The following SLC36A4 variants were observed in gnomAD, a reference collection of about 807,000 sequenced individuals.
SLC36A4 encodes neutral amino acid uniporter 4.
SLC36A4 carries 49 observed loss-of-function variants against 50.5 expected under a neutral mutation model. That is an observed-to-expected ratio of 0.97 (90% confidence interval 0.77 to 1.23). SLC36A4 has a LOEUF of 1.23. Among genes scored for constraint, SLC36A4 ranks in the 50% most tolerant of loss-of-function variants. The pLI is 0.00. For missense variants in SLC36A4, 611 were observed against 608.4 expected (o/e 1.00, Z -0.05); for synonymous variants, 207 against 206.5 (o/e 1.00, Z -0.02).
rs190435919 is a variant in SLC36A4, at chr11:93,144,377, T to A, written c.*4160A>T. On this transcript the variant is annotated 3_prime_UTR_variant, in exon 11 of 11. Transcript: ENST00000326402. ...CAGGGTGTAAACATATATTTTCCTATTTGTTATCAAGAAAACGCTAATGAA... is the reference window on the plus strand; with the variant it reads ...CAGGGTGTAAACATATATTTTCCTAATTGTTATCAAGAAAACGCTAATGAA... 2.4e-3 allele frequency: 358 copies of A among 152,204 alleles called. No individual in the cohort carries two copies. Among genetic ancestry groups the A allele is most frequent in the African/African-American group, 8.3e-3 (343 of 41,570 alleles). 9.4% of individuals were successfully genotyped at this position (152,204 alleles called of 1,614,324 possible).
At position 93,182,715 on chromosome 11, in the gene SLC36A4, G is replaced by A. The variant is rs986803240; in HGVS notation, c.359+91C>T. 6.2e-5 allele frequency: 53 copies of A among 853,770 alleles called. No homozygotes were observed. In the Admixed American group the frequency reaches 1.1e-3, roughly 18 times the overall value. 52.9% of individuals were successfully genotyped at this position (853,770 alleles called of 1,614,324 possible). ...GATTTATCTACGTAAAAGCTTAAACGAAATACAAAGCACAGTAGAATATAA... is the reference window on the plus strand; with the variant it reads ...GATTTATCTACGTAAAAGCTTAAACAAAATACAAAGCACAGTAGAATATAA... On this transcript the variant is annotated intron_variant, in intron 4 of 10. Transcript: ENST00000326402.
intron 9 of SLC36A4, chr11:93,160,444 T>C: frequency 1.0e-6 from 1 of 985,210 alleles, no homozygotes; most frequent in Non-Finnish European, 1.2e-6. Context: ...AAATCAAGAG[T>C]CTCAACTAGT....
At chr11:93,194,287 A>C (rs1488743578) in intron 1 of SLC36A4, among the ~76,000 whole-genome samples, 1 of 152,122 alleles carries the variant, frequency 6.6e-6, no homozygotes, top group Non-Finnish European at 1.5e-5. Flanking sequence ...ATAAAATTTA[A>C]AAATCACTTG....
intron 10 of SLC36A4, among the ~76,000 whole-genome samples, chr11:93,150,913 T>A (rs1860058611): frequency 6.6e-6 from 1 of 152,052 alleles, no homozygotes; most frequent in Non-Finnish European, 1.5e-5. Flanking sequence ...TTTCTTTGTT[T>A]ATCTATAATC....
At chr11:93,184,069 T>C (rs991700975) in intron 3 of SLC36A4, among the ~76,000 whole-genome samples, 6 of 152,186 alleles carry the variant, frequency 3.9e-5, no homozygotes, top group Admixed American at 1.3e-4. Context: ...CAATGTCACG[T>C]TACCAATAAT....
At chr11:93,167,824 A>C in intron 7 of SLC36A4, 120 bp downstream of exon 7, 1 of 637,770 alleles carries the variant, frequency 1.6e-6, no homozygotes, top group South Asian at 2.1e-5. Flanking sequence ...TACTGATTGC[A>C]CACTGTGTGC....
intron 8 of SLC36A4, 105 bp from the exon 9 acceptor site, chr11:93,162,980 T>C: frequency 2.1e-6 from 2 of 974,632 alleles, no homozygotes; most frequent in South Asian, 3.2e-5. Context: ...TATGCAAATT[T>C]TTTTCCTTTA....
chr11:93,145,179 AT>A lies in SLC36A4; in HGVS notation c.*3357del, dbSNP rs1859823332. The A allele has an allele frequency of 6.6e-6, 1 of 152,062 alleles. No homozygotes were observed. Among genetic ancestry groups the A allele is most frequent in the Non-Finnish European group, 1.5e-5 (1 of 67,964 alleles). The allele number at this position is 152,062 out of a possible 1,614,324, so 9.4% of individuals were successfully genotyped here. On this transcript the variant is annotated 3_prime_UTR_variant, in exon 11 of 11. Transcript: ENST00000326402. ...AATATTTCAAGTAATATTTTATAGT[AT>A]TTTGCAGTTAAAGAGATTTTACATA...
intron 9 of SLC36A4, among the ~76,000 whole-genome samples, chr11:93,161,950 T>C (rs999140116): frequency 2.0e-5 from 3 of 152,176 alleles, no homozygotes; most frequent in African/African-American, 7.2e-5. Flanking sequence ...AACATTAAGA[T>C]GATGCACCAT....
intron 6 of SLC36A4, among the ~76,000 whole-genome samples, chr11:93,169,458 T>C (rs1199076575): frequency 1.3e-5 from 2 of 152,110 alleles, no homozygotes; most frequent in South Asian, 2.1e-4. Flanking sequence ...TCTCTAAATG[T>C]AGTAATTAAG....
rs1860967119 is a variant in SLC36A4, at chr11:93,168,121, A to G, written c.591T>C (p.Asn197=). 6.2e-7 allele frequency: 1 copy of G among 1,612,366 alleles called. No homozygotes were observed. Among genetic ancestry groups the G allele is most frequent in the Non-Finnish European group, 8.5e-7 (1 of 1,178,964 alleles). Reference sequence around the variant, plus strand: ...TTCTTCTCTCACAAGGGTTTGATGAATTGGTACTATTTGAAATAAACACTT... The same window carrying G: ...TTCTTCTCTCACAAGGGTTTGATGAGTTGGTACTATTTGAAATAAACACTT... The part of the protein sequence containing the change: ...ESKVFISNST[N]SSNPCERRSV... The change falls in exon 7 of 11, where the codon AAT becomes AAC. Residue 197 remains asparagine (N), a synonymous_variant. Transcript: ENST00000326402.
intron 7 of SLC36A4, 113 bp downstream of exon 7, chr11:93,167,831 G>T: frequency 1.5e-6 from 1 of 660,040 alleles, no homozygotes; most frequent in Non-Finnish European, 2.7e-6. Flanking sequence ...TGCACACTGT[G>T]TGCCACATAT....
intron 10 of SLC36A4, 136 bp from the exon 11 acceptor site, chr11:93,148,980 G>T (rs1859956620): frequency 7.1e-6 from 7 of 980,136 alleles, no homozygotes; most frequent in Non-Finnish European, 1.0e-5. Context: ...ACTATTGCTT[G>T]TGAAAAAAAT....
At chr11:93,154,440 C>T (rs996563979) in intron 9 of SLC36A4, 163 bp from the exon 10 acceptor site, 1 of 360,738 alleles carries the variant, frequency 2.8e-6, no homozygotes. Context: ...TGATCTCTAA[C>T]TAAATTTCTA....
chr11:93,166,397 A>G, intron 7 of SLC36A4: 4 of 992,750 alleles, frequency 4.0e-6, no homozygotes, highest in Non-Finnish European at 4.8e-6. Context: ...GCTGGTGCCT[A>G]GCAGAAATTC....
At chr11:93,169,201 A>G (rs1287216406) in intron 6 of SLC36A4, among the ~76,000 whole-genome samples, 2 of 152,112 alleles carry the variant, frequency 1.3e-5, no homozygotes, top group African/African-American at 4.8e-5. Flanking sequence ...TTTATATACA[A>G]CATCTCACTT....
Position 93,180,805 on chromosome 11 carries a change from C to T in SLC36A4, c.532G>A (p.Val178Met), listed in dbSNP as rs1257647580. 3 of 1,610,946 alleles carry T rather than the reference C, an allele frequency of 1.9e-6. No individual in the cohort carries two copies. The highest frequency in any genetic ancestry group is 1.7e-5 in the Admixed American group (1 of 59,858). ...TGGAGAAAAATACTCACTTGTTTCA[C>T]ATTTTCAGCTAAGAAGACAATATAA... is the stretch of plus-strand genomic sequence containing the variant. ...SVYIVFLAEN[V>M]KQVHEGFLES... Residue 178 changes from valine (V) to methionine (M), a missense_variant, in exon 6 of 11, where the codon GTG (valine) becomes ATG (methionine). Coordinates refer to ENST00000326402, the MANE Select transcript of SLC36A4 (RefSeq NM_152313.4).
chr11:93,169,848 G>A (rs577624420), intron 6 of SLC36A4, among the ~76,000 whole-genome samples: 4 of 152,066 alleles, frequency 2.6e-5, no homozygotes, highest in African/African-American at 9.6e-5. Context: ...AAATTACTTA[G>A]AGCCAAATAC....
intron 1 of SLC36A4, among the ~76,000 whole-genome samples, chr11:93,195,695 G>A (rs1473893464): frequency 6.6e-6 from 1 of 152,058 alleles, no homozygotes; most frequent in African/African-American, 2.4e-5. Context: ...TGGCCCCATC[G>A]CCACCTCCAT....
Sources: gnomAD v4.1 joint callset for allele counts (sites outside exome capture counted in the v4.1 genomes callset) on GRCh38, gnomAD v4.1.1 for gene constraint, MANE v1.5 for transcripts, NCBI Gene and HGNC (gene_info 2026-07-23, HGNC 2026-07-21) for gene names.